The following PDZD2 variants were observed in gnomAD, a reference collection of about 807,000 sequenced individuals.
The protein encoded by PDZD2 is PDZ domain containing 2.
PDZD2 carries 90 observed loss-of-function variants against 220.7 expected under a neutral mutation model. The ratio of observed to expected loss-of-function variants is 0.41; its 90% CI spans 0.34 to 0.49. The LOEUF (loss-of-function observed/expected upper bound fraction) is 0.49, where lower values mean the gene tolerates loss of function less well. Ranked by LOEUF, PDZD2 falls within the 20% of genes least tolerant of loss-of-function variation. The probability of loss-of-function intolerance (pLI) is 0.28; values close to 1 mark genes in which losing one functional copy is unlikely to be tolerated. For missense variants in PDZD2, 3,174 were observed against 3,608.5 expected (o/e 0.88, Z 3.08); for synonymous variants, 1,375 against 1,450.5 (o/e 0.95, Z 1.18).
intron 2 of PDZD2, among the ~76,000 whole-genome samples, chr5:31,837,016 A>G (rs75147248): frequency 8.9e-5 from 13 of 146,652 alleles, no homozygotes; most frequent in African/African-American, 2.8e-4. Flanking sequence ...AGACTGTCTT[A>G]AAAGAAAGAA....
chr5:32,022,815 T>G (rs796916050), intron 6 of PDZD2, among the ~76,000 whole-genome samples: 1 of 152,324 alleles, frequency 6.6e-6, no homozygotes, highest in African/African-American at 2.4e-5. Context: ...GAATTTTGAC[T>G]TCTTTTGCAA....
chr5:31,931,507 C>A (rs1745293630), intron 2 of PDZD2, among the ~76,000 whole-genome samples: 1 of 152,074 alleles, frequency 6.6e-6, no homozygotes, highest in Admixed American at 6.5e-5. Flanking sequence ...CTGCAGGACA[C>A]CCAGCTGCAG....
intron 1 of PDZD2, among the ~76,000 whole-genome samples, chr5:31,762,645 G>A (rs1469450267): frequency 6.6e-6 from 1 of 152,220 alleles, no homozygotes; most frequent in Non-Finnish European, 1.5e-5. Flanking sequence ...GTGACTGTTT[G>A]ACACTTGAAG....
chr5:31,665,643 C>CT (rs1561371579), intron 1 of PDZD2, among the ~76,000 whole-genome samples: 66 of 59,658 alleles, frequency 1.1e-3, no homozygotes, highest in Non-Finnish European at 3.4e-5. Flanking sequence ...GAAGTTCCCC[C>CT]TCCCCCCCCT....
chr5:32,035,911 CTT>C (rs1018984463), intron 6 of PDZD2, among the ~76,000 whole-genome samples: 2 of 152,134 alleles, frequency 1.3e-5, no homozygotes, highest in African/African-American at 4.8e-5. Context: ...AGCCAGGAAT[CTT>C]TTCATCATCA....
intron 21 of PDZD2, among the ~76,000 whole-genome samples, chr5:32,096,829 ATTTTTTTTTT>A (rs71831480): frequency 1.0e-5 from 1 of 96,832 alleles, no homozygotes; most frequent in Non-Finnish European, 1.9e-5. Flanking sequence ...ATGTACTATG[ATTTTTTTTTT>A]TTTTTTTTTT....
intron 1 of PDZD2, among the ~76,000 whole-genome samples, chr5:31,690,521 GAC>G (rs1307570942): frequency 1.3e-5 from 2 of 152,172 alleles, no homozygotes; most frequent in Non-Finnish European, 2.9e-5. Context: ...CTTTAGCAGA[GAC>G]ACGCTGCTTT....
At chr5:32,029,087 T>C (rs1754921952) in intron 6 of PDZD2, among the ~76,000 whole-genome samples, 1 of 152,132 alleles carries the variant, frequency 6.6e-6, no homozygotes, top group Admixed American at 6.5e-5. Context: ...CAGGAATAAA[T>C]ACAGTTTTTT....
intron 1 of PDZD2, among the ~76,000 whole-genome samples, chr5:31,723,826 C>T (rs949194509): frequency 1.3e-4 from 20 of 152,200 alleles, no homozygotes; most frequent in Admixed American, 8.5e-4. Context: ...CCATGTTGGC[C>T]AGGCTGGTCT....
chr5:31,859,298 C>T (rs62361581), intron 2 of PDZD2, among the ~76,000 whole-genome samples: 6,383 of 152,256 alleles, frequency 0.042, 160 homozygotes, highest in Non-Finnish European at 0.054. Context: ...ATTCCCCTGT[C>T]TTGATAAATT....
chr5:32,084,159 G>C (rs987628678), intron 19 of PDZD2, among the ~76,000 whole-genome samples: 3 of 152,244 alleles, frequency 2.0e-5, no homozygotes, highest in Non-Finnish European at 4.4e-5. Flanking sequence ...AGTCTTGGCA[G>C]GCCCCTGGCC....
rs1742649726 is a variant in PDZD2, at chr5:32,087,847, G to C, written c.4399G>C (p.Gly1467Arg). 1.2e-6 allele frequency: 2 copies of C among 1,611,264 alleles called. No individual in the cohort carries two copies. Among genetic ancestry groups the C allele is most frequent in the African/African-American group, 2.7e-5 (2 of 74,990 alleles). ...CCACCCACCAGCCGGGGCTGGAGGT[G>C]GGAGCTCCTGCCGTGCCGAACCAGT... ...QGHPPAGAGG[G>R]SSCRAEPVPG... The change falls in exon 20 of 25, where the codon GGG (glycine) becomes CGG (arginine). Residue 1467 changes from glycine (G) to arginine (R), a missense_variant. Gly to Arg is a moderately radical substitution (Grantham distance 125). Around this residue, in one of 4 missense-constraint regions of PDZD2, gnomAD observed 1,861 missense variants for 2,001.0 expected, o/e 0.93. Transcript: ENST00000438447. The surrounding 1 kb of genome is among the most constrained non-coding windows in gnomAD (Gnocchi z 4.0).
chr5:32,092,877 A>T (rs1399366477), intron 20 of PDZD2, 30 bp from the exon 21 acceptor site: 4 of 1,124,550 alleles, frequency 3.6e-6, no homozygotes, highest in Admixed American at 4.2e-5. Flanking sequence ...TTTTTCTTTA[A>T]TGTTCTTCAA....
At chr5:31,749,130 A>T (rs1016332837) in intron 1 of PDZD2, among the ~76,000 whole-genome samples, 4 of 152,140 alleles carry the variant, frequency 2.6e-5, no homozygotes, top group Admixed American at 1.3e-4. Flanking sequence ...ATTTTGCAAT[A>T]CTGTGAGGTA....
At chr5:31,778,360 C>G (rs1028028848) in intron 1 of PDZD2, among the ~76,000 whole-genome samples, 1 of 152,188 alleles carries the variant, frequency 6.6e-6, no homozygotes, top group Non-Finnish European at 1.5e-5. Flanking sequence ...TTCTTTCGCT[C>G]TTTGTAATAA....
At chr5:31,760,071 G>A (rs1751540521) in intron 1 of PDZD2, among the ~76,000 whole-genome samples, 1 of 152,212 alleles carries the variant, frequency 6.6e-6, no homozygotes, top group African/African-American at 2.4e-5. Flanking sequence ...GGGAGGAGGA[G>A]TGGGGAGTGT....
intron 2 of PDZD2, among the ~76,000 whole-genome samples, chr5:31,848,351 A>G (rs74670405): frequency 0.078 from 11,848 of 152,270 alleles, 562 homozygotes; most frequent in Middle Eastern, 0.14. Context: ...CAAACCTACT[A>G]TATGCAAAGT....
rs57704132 is a variant in PDZD2 at position 31,873,533 on chromosome 5, TTTTATTTATTTA to T, written c.476+73846_476+73857del. On this transcript the variant is annotated intron_variant, in intron 2 of 24. Coordinates refer to ENST00000438447, the MANE Select transcript of PDZD2 (RefSeq NM_178140.4). ...GGCCAGCTAGAAGATTGAAAATTCT[TTTTATTTATTTA>T]TTTATTTATTTATTTATTTATTTAT... Among the ~76,000 whole-genome samples, 1,438 of 144,070 alleles carry T rather than the reference TTTTATTTATTTA, an allele frequency of 1.0e-2. 12 individuals are homozygous for T. The highest frequency in any genetic ancestry group is 0.026 in the African/African-American group (1,005 of 39,240). 94.5% of individuals were successfully genotyped at this position (144,070 alleles called of 152,430 possible).
rs571302880 is a variant in PDZD2 at position 31,684,457 on chromosome 5, C to G, written c.-361+45020C>G. ...GTCACCATTCCTGTCACTTCTACCT[C>G]TTTTATCCCAACATCACCTCTTGGG... On this transcript the variant is annotated intron_variant, in intron 1 of 24. Coordinates refer to ENST00000438447, the MANE Select transcript of PDZD2 (RefSeq NM_178140.4). Among the ~76,000 whole-genome samples the G allele has an allele frequency of 5.3e-5, 8 of 152,308 alleles. No homozygotes were observed. The East Asian group carries it at 1.5e-3, about 29-fold the overall frequency.
Sources: gnomAD v4.1 joint callset for allele counts (sites outside exome capture counted in the v4.1 genomes callset) on GRCh38, gnomAD v4.1.1 for gene constraint, gnomAD v4.1.1 regional missense constraint, Gnocchi (gnomAD v3.1) non-coding constraint, MANE v1.5 for transcripts, NCBI Gene and HGNC (gene_info 2026-07-23, HGNC 2026-07-21) for gene names.